FILIP1: variants seen among roughly 807,000 people sequenced by gnomAD.
FILIP1 encodes filamin-A-interacting protein 1.
FILIP1 carries 61 observed loss-of-function variants against 102.1 expected under a neutral mutation model. The ratio of observed to expected loss-of-function variants is 0.60; its 90% CI spans 0.49 to 0.74. The LOEUF is 0.74. Among genes scored for constraint, FILIP1 ranks in the 30% least tolerant of loss-of-function variants. The probability of loss-of-function intolerance (pLI) is 0.00; values close to 1 mark genes in which losing one functional copy is unlikely to be tolerated. For synonymous variants in FILIP1, 491 were observed against 526.9 expected (o/e 0.93, Z 0.93); for missense variants, 1,314 against 1,441.2 (o/e 0.91, Z 1.43).
chr6:75,346,078 A>T (rs1774571245), intron 4 of FILIP1, among the ~76,000 whole-genome samples: 1 of 152,196 alleles, frequency 6.6e-6, no homozygotes, highest in African/African-American at 2.4e-5. Flanking sequence ...TGACATTTAG[A>T]TTTAAGTATA....
chr6:75,339,470 C>A (rs549830671), intron 4 of FILIP1, among the ~76,000 whole-genome samples: 2 of 152,280 alleles, frequency 1.3e-5, no homozygotes, highest in South Asian at 4.1e-4. Context: ...ACAACAACTT[C>A]TGTAAAAAAA....
chr6:75,430,153 T>C (rs1377510673), intron 1 of FILIP1, among the ~76,000 whole-genome samples: 3 of 152,158 alleles, frequency 2.0e-5, no homozygotes, highest in Non-Finnish European at 4.4e-5. Flanking sequence ...TAAGGGGCTC[T>C]TCCCCCTTCA....
At chr6:75,435,765 C>T (rs369771698) in intron 1 of FILIP1, among the ~76,000 whole-genome samples, 1 of 152,162 alleles carries the variant, frequency 6.6e-6, no homozygotes, top group African/African-American at 2.4e-5. Context: ...ATTGATACTA[C>T]TGAGGTGTTA....
intron 1 of FILIP1, among the ~76,000 whole-genome samples, chr6:75,485,690 A>C (rs1163623681): frequency 6.6e-6 from 1 of 152,180 alleles, no homozygotes; most frequent in East Asian, 1.9e-4. Context: ...ATTATTTCCA[A>C]ATAGTCAGAC....
intron 2 of FILIP1, among the ~76,000 whole-genome samples, chr6:75,393,855 G>C (rs1184242155): frequency 1.3e-5 from 2 of 152,134 alleles, no homozygotes; most frequent in Non-Finnish European, 2.9e-5. Flanking sequence ...AGGTGGGATG[G>C]GGAGAAAAAT....
chr6:75,477,555 AAAT>A (rs1222948417), intron 1 of FILIP1, among the ~76,000 whole-genome samples: 3 of 151,874 alleles, frequency 2.0e-5, no homozygotes, highest in African/African-American at 4.8e-5. Flanking sequence ...TGTCCATCAA[AAAT>A]AATATTAATA....
chr6:75,383,856 C>T (rs558699260), intron 2 of FILIP1, among the ~76,000 whole-genome samples: 39 of 152,144 alleles, frequency 2.6e-4, no homozygotes, highest in Non-Finnish European at 5.6e-4. Flanking sequence ...TAAGTGGTGT[C>T]AGAATGCGAA....
At chr6:75,401,881 T>C (rs2998376) in intron 2 of FILIP1, among the ~76,000 whole-genome samples, 8,633 of 152,216 alleles carry the variant, frequency 0.057, 687 homozygotes, top group African/African-American at 0.17. Context: ...AAAAAGAGCA[T>C]ATCCCCAAAT....
At chr6:75,468,032 C>A (rs746832922) in intron 1 of FILIP1, among the ~76,000 whole-genome samples, 2 of 152,172 alleles carry the variant, frequency 1.3e-5, no homozygotes, top group Non-Finnish European at 2.9e-5. Context: ...AGAAACAAAG[C>A]AGCATCCTGG....
chr6:75,458,235 A>C (rs1272203156), intron 1 of FILIP1: 1 of 152,208 alleles, frequency 6.6e-6, no homozygotes. Context: ...CTACTGCATC[A>C]GGTGGGTAGA....
chr6:75,438,849 G>A (rs1322037144), intron 1 of FILIP1, among the ~76,000 whole-genome samples: 3 of 152,178 alleles, frequency 2.0e-5, no homozygotes, highest in Non-Finnish European at 2.9e-5. Flanking sequence ...TTATTAAGAT[G>A]AGGAATTGAC....
intron 1 of FILIP1, among the ~76,000 whole-genome samples, chr6:75,484,111 T>C (rs1051651732): frequency 5.9e-5 from 9 of 152,152 alleles, no homozygotes; most frequent in Non-Finnish European, 1.3e-4. Flanking sequence ...GTGACTCTTG[T>C]ACAGAACTGA....
chr6:75,381,854 A>G (rs2149642134), intron 2 of FILIP1, among the ~76,000 whole-genome samples: 1 of 152,346 alleles, frequency 6.6e-6, no homozygotes, highest in Non-Finnish European at 1.5e-5. Flanking sequence ...CTATAGATGA[A>G]AAAATAAAGC....
intron 4 of FILIP1, among the ~76,000 whole-genome samples, chr6:75,317,380 A>G (rs1773479823): frequency 6.6e-6 from 1 of 152,238 alleles, no homozygotes; most frequent in East Asian, 1.9e-4. Flanking sequence ...TGTGAAGATT[A>G]ATTGAAATAG....
chr6:75,451,912 T>A (rs1778646732), intron 1 of FILIP1, among the ~76,000 whole-genome samples: 2 of 152,192 alleles, frequency 1.3e-5, no homozygotes, highest in Non-Finnish European at 2.9e-5. Flanking sequence ...CATACACAAC[T>A]AATAGAAATA....
intron 3 of FILIP1, among the ~76,000 whole-genome samples, chr6:75,361,252 G>A (rs1181244462): frequency 2.0e-5 from 3 of 152,148 alleles, no homozygotes; most frequent in South Asian, 4.1e-4. Flanking sequence ...ACTTTCTAAA[G>A]GTAGGTCAGA....
chr6:75,330,929 A>T (rs1774058003), intron 4 of FILIP1, among the ~76,000 whole-genome samples: 1 of 152,164 alleles, frequency 6.6e-6, no homozygotes, highest in Non-Finnish European at 1.5e-5. Context: ...AACTAAACTG[A>T]TTGTGAAGTT....
chr6:75,309,033 G>A, intron 5 of FILIP1, 136 bp from the exon 6 acceptor site: 1 of 901,490 alleles, frequency 1.1e-6, no homozygotes, highest in East Asian at 2.6e-5. Context: ...TAAAATAATT[G>A]TGAGAAACTT....
At chr6:75,489,526 A>G (rs1037058462) in intron 1 of FILIP1, among the ~76,000 whole-genome samples, 1 of 152,156 alleles carries the variant, frequency 6.6e-6, no homozygotes, top group Non-Finnish European at 1.5e-5. Context: ...AATTTATTGA[A>G]GAATAAATTA....
Sources: allele counts gnomAD v4.1 joint callset (sites outside exome capture counted in the v4.1 genomes callset), GRCh38; gene constraint gnomAD v4.1.1; transcripts MANE v1.5; gene names NCBI Gene and HGNC (gene_info 2026-07-23, HGNC 2026-07-21).